Variants in TNNI3K observed in about 807,000 individuals in gnomAD.
The protein encoded by TNNI3K is TNNI3 interacting kinase, also known as serine/threonine-protein kinase TNNI3K.
TNNI3K carries 140 observed loss-of-function variants against 114.5 expected under a neutral mutation model. That is an observed-to-expected ratio of 1.22 (90% CI 1.07 to 1.41). The LOEUF is 1.41. Ranked by LOEUF, TNNI3K falls within the 40% of genes most tolerant of loss-of-function variation. The pLI is 0.00. For missense variants in TNNI3K, 1,125 were observed against 1,007.6 expected (o/e 1.12, Z -1.58); for synonymous variants, 347 against 347.5 (o/e 1.00, Z 0.02).
chr1:74,380,860 G>T (rs1364930077), intron 17 of TNNI3K, among the ~76,000 whole-genome samples: 1 of 152,076 alleles, frequency 6.6e-6, no homozygotes, highest in Non-Finnish European at 1.5e-5. Context: ...TGCTGAGATT[G>T]ATTTGTGTTG....
intron 4 of TNNI3K, among the ~76,000 whole-genome samples, chr1:74,257,018 A>G (rs1406476058): frequency 2.0e-5 from 3 of 152,140 alleles, no homozygotes; most frequent in Non-Finnish European, 4.4e-5. Context: ...TTTCAAATAC[A>G]TATGTTAGAT....
intron 21 of TNNI3K, among the ~76,000 whole-genome samples, chr1:74,479,110 T>C (rs992649679): frequency 3.9e-5 from 6 of 152,196 alleles, no homozygotes; most frequent in Non-Finnish European, 8.8e-5. Context: ...ATATTTAAAA[T>C]ACGTCAGTCT....
chr1:74,461,377 G>T (rs1056159431), intron 20 of TNNI3K, among the ~76,000 whole-genome samples: 1 of 151,948 alleles, frequency 6.6e-6, no homozygotes, highest in Non-Finnish European at 1.5e-5. Context: ...CTATTTGGGA[G>T]GCTGAGGCAG....
chr1:74,542,262 C>A (rs1477208019), intron 24 of TNNI3K, among the ~76,000 whole-genome samples: 1 of 152,128 alleles, frequency 6.6e-6, no homozygotes, highest in East Asian at 1.9e-4. Flanking sequence ...TCCTGTGGGG[C>A]AAGAGGCACT....
intron 5 of TNNI3K, among the ~76,000 whole-genome samples, chr1:74,286,955 G>A (rs1657367138): frequency 6.6e-6 from 1 of 152,028 alleles, no homozygotes; most frequent in Admixed American, 6.6e-5. Context: ...GAGGCTCAAT[G>A]TGCTCCAAGA....
In TNNI3K at chr1:74,483,159, C is replaced by T. The variant is rs1668587168; in HGVS notation, c.2122-6030C>T. The T allele has an allele frequency of 6.4e-5, 41 of 639,704 alleles. 1 individual carries two copies. In the South Asian group the frequency reaches 7.1e-4, roughly 11 times the overall value. 39.6% of individuals were successfully genotyped at this position (639,704 alleles called of 1,614,324 possible). On this transcript the variant is annotated intron_variant, in intron 21 of 24. Coordinates refer to ENST00000326637, the MANE Select transcript of TNNI3K (RefSeq NM_015978.3). ...ATGAAGTGTACTCATTAAAGGGTTA[C>T]CTCTTAAGCTGAGCCCAGAGAACAG...
In TNNI3K at chr1:74,491,992, A is replaced by G. The variant is rs374896951; in HGVS notation, c.2182-105A>G. On this transcript the variant is annotated intron_variant, in intron 22 of 24. Coordinates refer to ENST00000326637, the MANE Select transcript of TNNI3K (RefSeq NM_015978.3). ...GGAGCAAGCTGAGTGAATAGAAATT[A>G]AAATATGGGAAACCTTGGAATAGAA... The G allele has an allele frequency of 6.6e-6, 9 of 1,362,742 alleles. No individual in the cohort carries two copies. In the African/African-American group the frequency reaches 1.3e-4, roughly 20 times the overall value. 84.4% of individuals were successfully genotyped at this position (1,362,742 alleles called of 1,614,324 possible).
intron 4 of TNNI3K, among the ~76,000 whole-genome samples, chr1:74,262,968 A>C (rs543675): frequency 0.015 from 2,293 of 152,158 alleles, 68 homozygotes; most frequent in African/African-American, 0.052. Flanking sequence ...TTAAATCTTT[A>C]TATCTTCCTC....
At chr1:74,449,608 G>T (rs1407597724) in intron 20 of TNNI3K, among the ~76,000 whole-genome samples, 1 of 151,830 alleles carries the variant, frequency 6.6e-6, no homozygotes, top group African/African-American at 2.4e-5. Flanking sequence ...TGCAATCCTA[G>T]TCTTCGATAA....
At chr1:74,297,347 T>G (rs954251772) in intron 5 of TNNI3K, among the ~76,000 whole-genome samples, 2 of 152,124 alleles carry the variant, frequency 1.3e-5, no homozygotes, top group Non-Finnish European at 2.9e-5. Context: ...GGGATCATAT[T>G]TGGTGGTGGG....
chr1:74,294,270 A>G (rs1217889098), intron 5 of TNNI3K, among the ~76,000 whole-genome samples: 6 of 152,004 alleles, frequency 3.9e-5, no homozygotes, highest in African/African-American at 1.4e-4. Flanking sequence ...AGAAAGTTCT[A>G]TTCTTTGGAA....
chr1:74,535,501 T>C (rs1014742292), intron 23 of TNNI3K, among the ~76,000 whole-genome samples: 3 of 151,964 alleles, frequency 2.0e-5, no homozygotes, highest in Non-Finnish European at 1.5e-5. Context: ...AATCACAGAA[T>C]GTAAGAAATG....
At chr1:74,357,829 C>G (rs190752992) in intron 11 of TNNI3K, among the ~76,000 whole-genome samples, 2 of 152,186 alleles carry the variant, frequency 1.3e-5, no homozygotes. Context: ...CGATCGCTGT[C>G]TCACTCACTT....
chr1:74,464,708 G>T, intron 21 of TNNI3K: 2 of 1,589,918 alleles, frequency 1.3e-6, no homozygotes, highest in Non-Finnish European at 1.7e-6. Context: ...AATGAAGATC[G>T]TTTTGGGATG....
chr1:74,274,425 C>T (rs1465762398), intron 5 of TNNI3K, among the ~76,000 whole-genome samples: 1 of 151,856 alleles, frequency 6.6e-6, no homozygotes, highest in Non-Finnish European at 1.5e-5. Flanking sequence ...TAAATAGTCA[C>T]TGTCAATATA....
intron 4 of TNNI3K, among the ~76,000 whole-genome samples, chr1:74,257,636 G>A (rs1173634587): frequency 7.6e-6 from 1 of 130,910 alleles, no homozygotes; most frequent in Non-Finnish European, 1.7e-5. Flanking sequence ...AGGTATTTCA[G>A]TTTGAACTTA....
intron 9 of TNNI3K, among the ~76,000 whole-genome samples, chr1:74,349,456 C>G (rs1484600886): frequency 1.3e-5 from 2 of 152,044 alleles, no homozygotes; most frequent in African/African-American, 2.4e-5. Flanking sequence ...TCTCTGCCAG[C>G]CTTTGGTATC....
intron 7 of TNNI3K, among the ~76,000 whole-genome samples, chr1:74,336,725 C>T (rs1402295109): frequency 6.6e-6 from 1 of 150,820 alleles, no homozygotes; most frequent in African/African-American, 2.4e-5. Flanking sequence ...GTATATGTGC[C>T]ACATTTTCTT....
chr1:74,436,441 C>T, intron 18 of TNNI3K, 33 bp from the exon 19 acceptor site: 1 of 1,561,068 alleles, frequency 6.4e-7, no homozygotes, highest in Non-Finnish European at 8.6e-7. Flanking sequence ...TAAGATATTT[C>T]CTTTGACGTG....
Sources: gnomAD v4.1 joint callset for allele counts (sites outside exome capture counted in the v4.1 genomes callset) on GRCh38, gnomAD v4.1.1 for gene constraint, MANE v1.5 for transcripts, NCBI Gene and HGNC (gene_info 2026-07-23, HGNC 2026-07-21) for gene names.